Variants in MAGI1 observed in about 807,000 individuals in gnomAD.
The protein encoded by MAGI1 is membrane-associated guanylate kinase, WW and PDZ domain-containing protein 1.
MAGI1 carries 58 observed loss-of-function variants against 139.9 expected under a neutral mutation model. The observed-to-expected ratio is 0.41, with a 90% confidence interval of 0.34 to 0.52. MAGI1 has a LOEUF of 0.52. Among genes scored for constraint, MAGI1 ranks in the 20% least tolerant of loss-of-function variants. MAGI1 has a pLI of 0.12. For synonymous variants in MAGI1, 812 were observed against 737.9 expected (o/e 1.10, Z -1.63); for missense variants, 1,874 against 1,901.6 (o/e 0.99, Z 0.27).
chr3:65,773,599 G>C (rs1259441653), intron 1 of MAGI1, among the ~76,000 whole-genome samples: 1 of 152,110 alleles, frequency 6.6e-6, no homozygotes, highest in Non-Finnish European at 1.5e-5. Flanking sequence ...ACTAGCATAA[G>C]GTCTATCCAT....
rs2041761366 is a variant in MAGI1 at position 65,818,666 on chromosome 3, A to C, written c.314-196578T>G. On this transcript the variant is annotated intron_variant, in intron 1 of 22. Coordinates refer to ENST00000402939, the MANE Select transcript of MAGI1 (RefSeq NM_001033057.2). Reference sequence around the variant, plus strand: ...TTAATAACTCAAGGGGAAGGCAGGGAGTTCAAGATGAGGCCAGAGAATAAG... The same window carrying C: ...TTAATAACTCAAGGGGAAGGCAGGGCGTTCAAGATGAGGCCAGAGAATAAG... 1.3e-5 allele frequency among the ~76,000 whole-genome samples: 2 copies of C among 152,202 alleles called. 1 individual carries two copies. The highest frequency in any genetic ancestry group is 4.1e-4 in the South Asian group (2 of 4,832).
intron 1 of MAGI1, among the ~76,000 whole-genome samples, chr3:65,937,232 G>T (rs2063107095): frequency 6.6e-6 from 1 of 152,080 alleles, no homozygotes; most frequent in African/African-American, 2.4e-5. Context: ...TCAAAAGAAT[G>T]GCAGCCTGAC....
At chr3:65,673,322 A>C (rs911567356) in intron 1 of MAGI1, among the ~76,000 whole-genome samples, 1 of 152,208 alleles carries the variant, frequency 6.6e-6, no homozygotes, top group Non-Finnish European at 1.5e-5. Context: ...CTGATGTCTT[A>C]GTTTATCTTA....
At chr3:65,458,752 C>G (rs1949574229) in intron 5 of MAGI1, among the ~76,000 whole-genome samples, 1 of 152,122 alleles carries the variant, frequency 6.6e-6, no homozygotes, top group African/African-American at 2.4e-5. Context: ...TTCTCCCATT[C>G]TGTGGGTTGT....
intron 1 of MAGI1, among the ~76,000 whole-genome samples, chr3:65,644,307 A>T (rs184291721): frequency 1.8e-4 from 27 of 152,276 alleles, no homozygotes; most frequent in Non-Finnish European, 3.5e-4. Context: ...CAAGATGACA[A>T]AAATGTTACA....
chr3:65,778,308 T>C (rs987767655), intron 1 of MAGI1, among the ~76,000 whole-genome samples: 1 of 151,822 alleles, frequency 6.6e-6, no homozygotes, highest in Non-Finnish European at 1.5e-5. Flanking sequence ...CGGGTGCCTG[T>C]AATCCCAGCT....
intron 2 of MAGI1, among the ~76,000 whole-genome samples, chr3:65,595,915 T>G (rs1251204627): frequency 6.6e-6 from 1 of 152,102 alleles, no homozygotes; most frequent in Non-Finnish European, 1.5e-5. Context: ...AGGAAAGGCA[T>G]TGAGAGACAG....
Position 65,407,411 on chromosome 3 carries a change from C to T in MAGI1, c.2168-5941G>A, listed in dbSNP as rs572342764. 4.7e-5 allele frequency among the ~76,000 whole-genome samples: 7 copies of T among 149,812 alleles called. No homozygotes were observed. In the East Asian group the frequency reaches 1.4e-3, roughly 30 times the overall value. ...GCAGTGAGCCAAGATCACACCACTG[C>T]ACTCCAGCTTGGGCGACAGAGTGAG... is the stretch of plus-strand genomic sequence containing the variant. On this transcript the variant is annotated intron_variant, in intron 12 of 22. Coordinates refer to ENST00000402939, the MANE Select transcript of MAGI1 (RefSeq NM_001033057.2).
At position 65,671,338 on chromosome 3, in the gene MAGI1, G is replaced by A. The variant is rs543544140; in HGVS notation, c.314-49250C>T. On this transcript the variant is annotated intron_variant, in intron 1 of 22. Coordinates refer to ENST00000402939, the MANE Select transcript of MAGI1 (RefSeq NM_001033057.2). Reference sequence around the variant, plus strand: ...TCTGCATTGCTATGCACTGTAGGATGTGCAGCAGTATCCTCGGCTCTTACT... The same window carrying A: ...TCTGCATTGCTATGCACTGTAGGATATGCAGCAGTATCCTCGGCTCTTACT... 9.2e-5 allele frequency among the ~76,000 whole-genome samples: 14 copies of A among 152,256 alleles called. 1 individual carries two copies. In the East Asian group the frequency reaches 2.7e-3, roughly 29 times the overall value.
chr3:65,704,631 A>T (rs1034819734), intron 1 of MAGI1, among the ~76,000 whole-genome samples: 4 of 152,266 alleles, frequency 2.6e-5, no homozygotes, highest in African/African-American at 9.6e-5. Context: ...TGTGGTTTTT[A>T]AAATTTAGGA....
chr3:65,860,445 T>C (rs1476435173), intron 1 of MAGI1, among the ~76,000 whole-genome samples: 1 of 152,188 alleles, frequency 6.6e-6, no homozygotes, highest in Non-Finnish European at 1.5e-5. Flanking sequence ...TCTTTACAGA[T>C]AGAGACACGG....
intron 1 of MAGI1, among the ~76,000 whole-genome samples, chr3:65,627,485 C>CTTTTTTTTTTTTTTTTTT (rs779588733): frequency 7.1e-5 from 2 of 28,356 alleles, no homozygotes; most frequent in Non-Finnish European, 7.0e-5. Flanking sequence ...ATTTCTGTAT[C>CTTTTTTTTTTTTTTTTTT]TTTTTTTTTT....
intron 1 of MAGI1, among the ~76,000 whole-genome samples, chr3:65,704,315 TCTTAGACACAGTTG>T (rs2089812536): frequency 6.6e-6 from 1 of 152,196 alleles, no homozygotes; most frequent in Non-Finnish European, 1.5e-5. Context: ...ATTCCAATGT[TCTTAGACACAGTTG>T]TTACCAAATG....
chr3:66,007,891 AT>A (rs35578902), intron 1 of MAGI1, among the ~76,000 whole-genome samples: 21,373 of 122,476 alleles, frequency 0.17, 2,029 homozygotes, highest in African/African-American at 0.37. Context: ...GGCTCCATAG[AT>A]TTTTTTTTTT....
chr3:65,894,354 T>C (rs1378595602), intron 1 of MAGI1, among the ~76,000 whole-genome samples: 1 of 152,204 alleles, frequency 6.6e-6, no homozygotes, highest in Admixed American at 6.5e-5. Context: ...TTCCATTACA[T>C]CATATTTATA....
chr3:65,733,664 T>C (rs967252263), intron 1 of MAGI1, among the ~76,000 whole-genome samples: 2 of 152,210 alleles, frequency 1.3e-5, no homozygotes, highest in African/African-American at 4.8e-5. Context: ...ACCGTTTAAA[T>C]CTTCAGCCAG....
At chr3:65,401,944 G>A in intron 12 of MAGI1, 3 of 975,830 alleles carry the variant, frequency 3.1e-6, no homozygotes, top group Non-Finnish European at 3.7e-6. Context: ...AATTTTTTTG[G>A]TCTTTTCTTT....
In MAGI1 at chr3:65,453,268, A is replaced by C; in HGVS notation, c.1032T>G (p.Cys344Trp). 6.2e-7 allele frequency: 1 copy of C among 1,613,414 alleles called. No individual in the cohort carries two copies. The highest frequency in any genetic ancestry group is 8.5e-7 in the Non-Finnish European group (1 of 1,179,872). The change falls in exon 6 of 23, where the codon TGT becomes TGG. Residue 344 changes from cysteine to tryptophan, a missense_variant. Transcript: ENST00000402939. ...LNKQQKPLEE[C>W]EDDEGVHTEE... ...TGCCTGGCCCCTTACCATCATCTTC[A>C]CACTCTTCCAGTGGCTTCTGCTGCT...
At chr3:65,425,108 TAAAAAAAAAA>T (rs72030632) in intron 12 of MAGI1, among the ~76,000 whole-genome samples, 2,611 of 66,606 alleles carry the variant, frequency 0.039, 142 homozygotes, top group African/African-American at 0.15. Context: ...GTAGAACTTC[TAAAAAAAAAA>T]AAAAAAAAAA....
Sources: gnomAD v4.1 joint callset for allele counts (sites outside exome capture counted in the v4.1 genomes callset) on GRCh38, gnomAD v4.1.1 for gene constraint, MANE v1.5 for transcripts, NCBI Gene and HGNC (gene_info 2026-07-23, HGNC 2026-07-21) for gene names.